Variants in AMZ1 observed in about 807,000 individuals in gnomAD.
AMZ1 encodes archaemetzincin-1.
Under a neutral mutation model 29.9 loss-of-function variants are expected in AMZ1, and 39 were observed. The observed-to-expected ratio is 1.30, with a 90% confidence interval of 1.01 to 1.70. The LOEUF (loss-of-function observed/expected upper bound fraction) is 1.70, where lower values mean the gene tolerates loss of function less well. AMZ1 is among the 40% of genes most tolerant of loss of function. The probability of loss-of-function intolerance (pLI) is 0.00; values close to 1 mark genes in which losing one functional copy is unlikely to be tolerated. For missense variants in AMZ1, 1,041 were observed against 680.6 expected, an observed-to-expected ratio of 1.53 and a Z score of -5.89; for synonymous variants, 458 against 304.0, an observed-to-expected ratio of 1.51 and a Z score of -5.27.
At chr7:2,733,632 C>G (rs943501157) in intron 4 of AMZ1, 1 of 699,024 alleles carries the variant, frequency 1.4e-6, no homozygotes, top group South Asian at 1.6e-5. Context: ...AGGAAAAAGG[C>G]AGAGAGTGTC....
chr7:2,754,062 G>A (rs142684615), intron 4 of AMZ1, among the ~76,000 whole-genome samples: 66 of 152,258 alleles, frequency 4.3e-4, no homozygotes, highest in African/African-American at 1.5e-3. Context: ...TTTCCAGAAC[G>A]GTTGTACCCT....
At chr7:2,684,562 C>T (rs1786998184), upstream of AMZ1, among the ~76,000 whole-genome samples, 1 of 152,230 alleles carries the variant, frequency 6.6e-6, no homozygotes, top group African/African-American at 2.4e-5. Flanking sequence ...CAGGGGTCCC[C>T]ATATCACGGC....
upstream of AMZ1, among the ~76,000 whole-genome samples, chr7:2,761,971 C>G (rs1429722940): frequency 6.6e-6 from 1 of 152,164 alleles, no homozygotes; most frequent in South Asian, 2.1e-4. Context: ...ACCAGTCCAC[C>G]CAGCACCACA....
At chr7:2,708,519 C>T in intron 3 of AMZ1, 69 bp from the exon 4 acceptor site, 1 of 1,596,440 alleles carries the variant, frequency 6.3e-7, no homozygotes, top group Non-Finnish European at 8.5e-7. Flanking sequence ...GACGGGGTGC[C>T]AGCCTGAGCC....
At chr7:2,694,491 G>A (rs937880428) in intron 1 of AMZ1, among the ~76,000 whole-genome samples, 1 of 152,068 alleles carries the variant, frequency 6.6e-6, no homozygotes, top group Non-Finnish European at 1.5e-5. Context: ...GTAGAGATGA[G>A]GTCTATGTTG....
rs150391223 is a variant in AMZ1, at chr7:2,758,967, C to G, written n.551-5745C>G. On this transcript the variant is annotated intron_variant and non_coding_transcript_variant, in intron 4 of 4. Coordinates refer to the AMZ1 transcript ENST00000489665. ...ACCAGCCTCCTGATATGGTGAAACA[C>G]CGTCTCTACTAAAAATACAAAAACT... Among the ~76,000 whole-genome samples the G allele has an allele frequency of 2.3e-3, 344 of 152,052 alleles. 2 individuals are homozygous for G. Among genetic ancestry groups the G allele is most frequent in the Non-Finnish European group, 2.4e-3 (160 of 67,988 alleles).
rs560854629 is a variant in AMZ1 at position 2,700,417 on chromosome 7, G to T, written c.-35G>T. 5.7e-6 allele frequency: 9 copies of T among 1,578,344 alleles called. No individual in the cohort carries two copies. The African/African-American group carries it at 1.2e-4, about 21-fold the overall frequency. Reference sequence around the variant, plus strand: ...CGGGTGGCCCATGGACAGCAGCAGGGGCTCCCAGGAGTGGCCAGGCCCTGC... The same window carrying T: ...CGGGTGGCCCATGGACAGCAGCAGGTGCTCCCAGGAGTGGCCAGGCCCTGC... On this transcript the variant is annotated 5_prime_UTR_variant, in exon 2 of 7. Transcript: ENST00000683327.
rs80025745 is a variant in AMZ1 at position 2,714,367 on chromosome 7, G to T, written c.*1489G>T. Reference sequence around the variant, plus strand: ...TGTGAATCTGACATTGGTGGAGGCCGACTGAAGGCTCCCGGTCCTGGTCCC... The same window carrying T: ...TGTGAATCTGACATTGGTGGAGGCCTACTGAAGGCTCCCGGTCCTGGTCCC... On this transcript the variant is annotated 3_prime_UTR_variant, in exon 7 of 7. Coordinates refer to ENST00000683327, the MANE Select transcript of AMZ1 (RefSeq NM_001384743.1). The T allele has an allele frequency of 6.6e-6, 1 of 152,538 alleles. No homozygotes were observed. Among genetic ancestry groups the T allele is most frequent in the East Asian group, 1.9e-4 (1 of 5,330 alleles). The allele number at this position is 152,538 out of a possible 1,614,324, so 9.4% of individuals were successfully genotyped here.
intron 4 of AMZ1, among the ~76,000 whole-genome samples, chr7:2,743,738 G>A (rs1195159169): frequency 6.6e-6 from 1 of 152,206 alleles, no homozygotes; most frequent in Non-Finnish European, 1.5e-5. Context: ...GCCTCACTCG[G>A]GAAGCGCAAG....
intron 4 of AMZ1, among the ~76,000 whole-genome samples, chr7:2,725,663 C>G (rs1042727833): frequency 6.6e-6 from 1 of 152,204 alleles, no homozygotes; most frequent in African/African-American, 2.4e-5. Flanking sequence ...GGCTCCACTC[C>G]CAGAGCTCAG....
chr7:2,709,711 T>G lies in AMZ1; in HGVS notation c.843T>G (p.Gly281=). Residue 281 remains glycine (G), a synonymous_variant, in exon 6 of 7, where the codon GGT becomes GGG. Transcript: ENST00000683327. ...GCTGGCTCCGCTGCCTCATGCAGGG[T>G]GCGCTCAGCCTGGACGAGGCCCTGC... ...NCRWLRCLMQ[G]ALSLDEALRR... is the part of the protein sequence containing the mutation. 1 of 1,611,110 alleles carries G rather than the reference T, an allele frequency of 6.2e-7. No individual in the cohort carries two copies. Among genetic ancestry groups the G allele is most frequent in the Non-Finnish European group, 8.5e-7 (1 of 1,179,860 alleles).
At chr7:2,739,031 G>A (rs1224627816) in intron 4 of AMZ1, among the ~76,000 whole-genome samples, 3 of 152,192 alleles carry the variant, frequency 2.0e-5, no homozygotes, top group Non-Finnish European at 4.4e-5. Context: ...GTCCTTGGCC[G>A]TGGAGCAGCC....
At chr7:2,703,734 C>T (rs1383575481) in intron 3 of AMZ1, among the ~76,000 whole-genome samples, 1 of 152,208 alleles carries the variant, frequency 6.6e-6, no homozygotes, top group Non-Finnish European at 1.5e-5. Flanking sequence ...TCAGTTATCA[C>T]CTCTGCCCCA....
chr7:2,704,477 G>C (rs969382204), intron 3 of AMZ1, among the ~76,000 whole-genome samples: 3 of 71,086 alleles, frequency 4.2e-5, no homozygotes, highest in African/African-American at 1.5e-4. Flanking sequence ...AACAAGACCC[G>C]ATCATTAAAA....
At chr7:2,735,209 A>G (rs1473650541) in intron 4 of AMZ1, among the ~76,000 whole-genome samples, 1 of 152,140 alleles carries the variant, frequency 6.6e-6, no homozygotes, top group Non-Finnish European at 1.5e-5. Flanking sequence ...GTGCCACGCA[A>G]GCCCAAGAAG....
At position 2,714,908 on chromosome 7, in the gene AMZ1, G is replaced by A. The variant is rs1393497203; in HGVS notation, c.*2030G>A. ...GTCCCAGTCCCGGAAAATGCAAAGG[G>A]ACAAGTATGTGTTGATTTCAGAGAA... On this transcript the variant is annotated 3_prime_UTR_variant, in exon 7 of 7. Coordinates refer to ENST00000683327, the MANE Select transcript of AMZ1 (RefSeq NM_001384743.1). 6.6e-6 allele frequency: 1 copy of A among 152,320 alleles called. No homozygotes were observed. Among genetic ancestry groups the A allele is most frequent in the East Asian group, 1.9e-4 (1 of 5,320 alleles). 9.4% of individuals were successfully genotyped at this position (152,320 alleles called of 1,614,324 possible). A position where few individuals can be genotyped will look rare whatever the true frequency, so the allele number is the denominator to read the frequency against.
At chr7:2,703,034 G>C in intron 3 of AMZ1, 145 bp downstream of exon 3, 2 of 1,188,548 alleles carry the variant, frequency 1.7e-6, no homozygotes, top group Admixed American at 3.0e-5. Context: ...TGGGAAGCAG[G>C]ACCAAGCCGG....
rs572440172 is a variant in AMZ1 at position 2,712,741 on chromosome 7, C to G, written c.1360C>G (p.Pro454Ala). Residue 454 changes from proline to alanine, a missense_variant, in exon 7 of 7, where the codon CCA (proline) becomes GCA (alanine). Pro to Ala is a conservative substitution (Grantham distance 27, BLOSUM62 -1). Transcript: ENST00000683327. ...TGQLPATRQD[P>A]PSSRDSVGLR... is the part of the protein sequence containing the mutation. ...CCAGCTCCCGGCCACCAGGCAGGAC[C>G]CACCCAGCAGCAGGGACAGCGTGGG... The G allele has an allele frequency of 5.4e-5, 87 of 1,605,746 alleles. 2 individuals carry two copies. The South Asian group carries it at 9.2e-4, about 17-fold the overall frequency.
At position 2,718,482 on chromosome 7, in the gene AMZ1, C is replaced by T. The variant is rs1054954551; in HGVS notation, c.*5604C>T. On this transcript the variant is annotated 3_prime_UTR_variant, in exon 7 of 7. Coordinates refer to ENST00000683327, the MANE Select transcript of AMZ1 (RefSeq NM_001384743.1). ...TGTGACCAGCGGGAATGAATGGGGA[C>T]GTGTTTTGTTCAGCCCTGACTCTTG... 7.2e-5 allele frequency among the ~76,000 whole-genome samples: 11 copies of T among 152,296 alleles called. No homozygotes were observed. Among genetic ancestry groups the T allele is most frequent in the South Asian group, 2.1e-4 (1 of 4,822 alleles).
Sources: gnomAD v4.1 joint callset for allele counts (sites outside exome capture counted in the v4.1 genomes callset) on GRCh38, gnomAD v4.1.1 for gene constraint, MANE v1.5 for transcripts, NCBI Gene and HGNC (gene_info 2026-07-23, HGNC 2026-07-21) for gene names.